KDR: variants seen among roughly 807,000 people sequenced by gnomAD.
KDR encodes kinase insert domain receptor, also known as vascular endothelial growth factor receptor 2.
KDR carries 43 observed loss-of-function variants against 160.9 expected under a neutral mutation model. The ratio of observed to expected loss-of-function variants is 0.27; its 90% CI spans 0.21 to 0.34. KDR has a LOEUF of 0.34. KDR is among the 10% of genes least tolerant of loss of function. The probability of loss-of-function intolerance (pLI) is 1.00; values close to 1 mark genes in which losing one functional copy is unlikely to be tolerated. For missense variants in KDR, 1,469 were observed against 1,666.4 expected, an observed-to-expected ratio of 0.88 and a Z score of 2.06; for synonymous variants, 617 against 600.1, an observed-to-expected ratio of 1.03 and a Z score of -0.41.
chr4:55,122,605 C>T (rs773539320), intron 1 of KDR, among the ~76,000 whole-genome samples: 2 of 152,188 alleles, frequency 1.3e-5, no homozygotes, highest in Admixed American at 6.5e-5. Context: ...TGTTCTCACA[C>T]ACCACACAGA....
chr4:55,104,114 C>T (rs1302604026), intron 13 of KDR, among the ~76,000 whole-genome samples: 2 of 152,154 alleles, frequency 1.3e-5, no homozygotes, highest in East Asian at 3.9e-4. Flanking sequence ...AGCCCATCAT[C>T]CCACTCTTCA....
chr4:55,125,108 C>A (rs1374259477), intron 1 of KDR, 119 bp downstream of exon 1: 19 of 966,244 alleles, frequency 2.0e-5, no homozygotes, highest in Non-Finnish European at 2.9e-5. Context: ...TGAAAGATCG[C>A]AAAATGTCAA....
At chr4:55,124,469 G>C (rs1224572065) in intron 1 of KDR, among the ~76,000 whole-genome samples, 1 of 152,150 alleles carries the variant, frequency 6.6e-6, no homozygotes, top group African/African-American at 2.4e-5. Context: ...CCACAGGAAA[G>C]GTTTTCGGAG....
At chr4:55,089,548 C>T in intron 24 of KDR, 75 bp from the exon 25 acceptor site, 2 of 1,343,894 alleles carry the variant, frequency 1.5e-6, no homozygotes, top group African/African-American at 1.4e-5. Context: ...GAATCTTGCA[C>T]ATCCTCATCA....
chr4:55,095,575 A>G lies in KDR; in HGVS notation c.2817+2T>C, dbSNP rs771193917. Reference sequence around the variant, plus strand: ...CCAGAGCAGGATTAGGAGATGACATACCTTGTAGGGGACAAATTCATTTCT... The same window carrying G: ...CCAGAGCAGGATTAGGAGATGACATGCCTTGTAGGGGACAAATTCATTTCT... On this transcript the variant is annotated splice_donor_variant, in intron 20 of 29. Transcript: ENST00000263923. LOFTEE classifies it high-confidence loss of function. The G allele has an allele frequency of 6.2e-7, 1 of 1,602,174 alleles. No homozygotes were observed. The highest frequency in any genetic ancestry group is 8.6e-7 in the Non-Finnish European group (1 of 1,169,252).
intron 12 of KDR, 40 bp downstream of exon 12, chr4:55,105,792 G>C: frequency 8.2e-7 from 1 of 1,212,446 alleles, no homozygotes; most frequent in Non-Finnish European, 1.2e-6. Flanking sequence ...TACCCACTGT[G>C]TGAGTGATCC....
intron 11 of KDR, 52 bp downstream of exon 11, chr4:55,106,635 A>C (rs781416324): frequency 3.1e-6 from 4 of 1,308,970 alleles, no homozygotes; most frequent in Non-Finnish European, 4.4e-6. Flanking sequence ...TTATTGTACC[A>C]TCCTTCCATT....
At chr4:55,113,638 TA>T (rs1720653449) in intron 6 of KDR, among the ~76,000 whole-genome samples, 157 bp from the exon 7 acceptor site, 1 of 152,220 alleles carries the variant, frequency 6.6e-6, no homozygotes, top group Admixed American at 6.5e-5. Flanking sequence ...ACAACAAATA[TA>T]TTTTGTTTCA....
At chr4:55,124,737 C>A (rs1428484943) in intron 1 of KDR, among the ~76,000 whole-genome samples, 1 of 152,106 alleles carries the variant, frequency 6.6e-6, no homozygotes, top group Non-Finnish European at 1.5e-5. Flanking sequence ...ATGAAGACAA[C>A]AACGGGCCGG....
At chr4:55,099,065 G>A (rs1310768317) in intron 15 of KDR, among the ~76,000 whole-genome samples, 1 of 150,778 alleles carries the variant, frequency 6.6e-6, no homozygotes, top group Admixed American at 6.6e-5. Flanking sequence ...TTCCAGGCTG[G>A]AGTACCATGA....
intron 27 of KDR, 54 bp from the exon 28 acceptor site, chr4:55,082,689 G>T (rs1027068452): frequency 7.6e-7 from 1 of 1,315,264 alleles, no homozygotes; most frequent in Non-Finnish European, 1.1e-6. Context: ...ACTGCAGATC[G>T]GCTACCTAAG....
intron 27 of KDR, among the ~76,000 whole-genome samples, chr4:55,086,741 G>A (rs1260785663): frequency 6.6e-6 from 1 of 152,146 alleles, no homozygotes; most frequent in African/African-American, 2.4e-5. Flanking sequence ...TTTCTCCTTA[G>A]CATCCCCTGC....
At chr4:55,093,983 T>G (rs2110014469) in intron 21 of KDR, among the ~76,000 whole-genome samples, 1 of 151,838 alleles carries the variant, frequency 6.6e-6, no homozygotes, top group South Asian at 2.1e-4. Context: ...GCGGATCACC[T>G]GAGATCAGGA....
rs544732342 is a variant in KDR, at chr4:55,088,734, A to C, written c.3510+134T>G. 7.0e-6 allele frequency: 5 copies of C among 713,552 alleles called. No individual in the cohort carries two copies. The African/African-American group carries it at 8.7e-5, about 12-fold the overall frequency. The allele number at this position is 713,552 out of a possible 1,614,324, so 44.2% of individuals were successfully genotyped here. On this transcript the variant is annotated intron_variant, in intron 26 of 29. Coordinates refer to ENST00000263923, the MANE Select transcript of KDR (RefSeq NM_002253.4). ...AGCTTTTAGAAAAGCATTATTACTCAGATGTAGAAGAATACAGTAGATTAT... is the reference window on the plus strand; with the variant it reads ...AGCTTTTAGAAAAGCATTATTACTCCGATGTAGAAGAATACAGTAGATTAT...
At chr4:55,107,648 G>C (rs1377896641) in intron 10 of KDR, 89 bp downstream of exon 10, 13 of 1,557,142 alleles carry the variant, frequency 8.3e-6, no homozygotes, top group Non-Finnish European at 1.1e-5. Context: ...TTTGGTTTAG[G>C]CTTCTCCATT....
At chr4:55,098,515 T>G (rs1720219619) in intron 16 of KDR, among the ~76,000 whole-genome samples, 182 bp downstream of exon 16, 2 of 152,130 alleles carry the variant, frequency 1.3e-5, no homozygotes, top group Admixed American at 6.6e-5. Context: ...CTCTAGTGGC[T>G]TCTATCAATT....
At chr4:55,115,542 C>T in intron 3 of KDR, 131 bp from the exon 4 acceptor site, 4 of 641,922 alleles carry the variant, frequency 6.2e-6, no homozygotes, top group Non-Finnish European at 1.1e-5. Flanking sequence ...CAAAGGCATC[C>T]ACAGATTATT....
chr4:55,113,699 G>A (rs748002096), intron 6 of KDR, among the ~76,000 whole-genome samples: 36 of 152,210 alleles, frequency 2.4e-4, no homozygotes, highest in Non-Finnish European at 4.9e-4. Context: ...ACCTCACGTG[G>A]TGAAAGTGAG....
intron 16 of KDR, 64 bp from the exon 17 acceptor site, chr4:55,098,336 G>C (rs1578132074): frequency 6.3e-7 from 1 of 1,579,218 alleles, no homozygotes; most frequent in Non-Finnish European, 8.7e-7. Context: ...TTGTGTGCTT[G>C]TTATTGCTGT....
Sources: allele counts gnomAD v4.1 joint callset (sites outside exome capture counted in the v4.1 genomes callset), GRCh38; gene constraint gnomAD v4.1.1; transcripts MANE v1.5; gene names NCBI Gene and HGNC (gene_info 2026-07-23, HGNC 2026-07-21).